ADAMTSL1: variants seen among roughly 807,000 people sequenced by gnomAD.
ADAMTSL1 encodes ADAMTS-like protein 1.
ADAMTSL1 carries 126 observed loss-of-function variants against 201.8 expected under a neutral mutation model. The observed-to-expected ratio is 0.62, with a 90% CI of 0.54 to 0.72. The LOEUF is 0.72. ADAMTSL1 is among the 30% of genes least tolerant of loss of function. The pLI is 0.00. For synonymous variants in ADAMTSL1, 1,121 were observed against 903.4 expected, an observed-to-expected ratio of 1.24 and a Z score of -4.32; for missense variants, 2,679 against 2,277.8, an observed-to-expected ratio of 1.18 and a Z score of -3.59.
chr9:18,665,467 T>G (rs1015123479), intron 9 of ADAMTSL1, among the ~76,000 whole-genome samples: 2 of 152,072 alleles, frequency 1.3e-5, no homozygotes, highest in African/African-American at 2.4e-5. Flanking sequence ...AACTTCAAAC[T>G]CAGTGACTAT....
At chr9:17,951,529 A>G (rs1027311533) in intron 1 of ADAMTSL1, among the ~76,000 whole-genome samples, 1 of 152,034 alleles carries the variant, frequency 6.6e-6, no homozygotes, top group Non-Finnish European at 1.5e-5. Context: ...GTTTTAATGT[A>G]CCTTTCCTTG....
chr9:18,636,468 A>G (rs1827121219), intron 6 of ADAMTSL1, among the ~76,000 whole-genome samples: 2 of 152,088 alleles, frequency 1.3e-5, no homozygotes, highest in Admixed American at 1.3e-4. Flanking sequence ...ACACCAAACA[A>G]CCTTAACACT....
intron 20 of ADAMTSL1, among the ~76,000 whole-genome samples, chr9:18,796,226 A>G (rs1822409501): frequency 6.6e-6 from 1 of 152,166 alleles, no homozygotes; most frequent in African/African-American, 2.4e-5. Flanking sequence ...CTTAGATACC[A>G]GCTGGACCAA....
At chr9:18,008,189 C>T (rs773220824) in intron 1 of ADAMTSL1, among the ~76,000 whole-genome samples, 78 of 151,800 alleles carry the variant, frequency 5.1e-4, no homozygotes, top group Admixed American at 3.8e-3. Flanking sequence ...CCTGTGTGAC[C>T]CTCAGAAAAT....
At chr9:17,980,888 G>C (rs753328320) in intron 1 of ADAMTSL1, among the ~76,000 whole-genome samples, 4 of 152,162 alleles carry the variant, frequency 2.6e-5, no homozygotes, top group Non-Finnish European at 5.9e-5. Flanking sequence ...TTCTGCCCAT[G>C]CAGAAGGTGA....
intron 20 of ADAMTSL1, among the ~76,000 whole-genome samples, chr9:18,798,088 CA>C (rs1822544796): frequency 1.5e-5 from 2 of 135,054 alleles, no homozygotes; most frequent in Non-Finnish European, 3.3e-5. Flanking sequence ...TAATGTAGGC[CA>C]AAGAGGAAAA....
At chr9:17,981,695 G>C (rs1292657504) in intron 1 of ADAMTSL1, among the ~76,000 whole-genome samples, 2 of 152,140 alleles carry the variant, frequency 1.3e-5, no homozygotes, top group African/African-American at 4.8e-5. Context: ...GAAGCTGCTT[G>C]CACTTGTGGT....
At chr9:18,526,695 T>C (rs190339139) in intron 2 of ADAMTSL1, among the ~76,000 whole-genome samples, 2 of 152,198 alleles carry the variant, frequency 1.3e-5, no homozygotes, top group Non-Finnish European at 2.9e-5. Context: ...CCTTCACTTA[T>C]GAAGCTTAGT....
intron 1 of ADAMTSL1, among the ~76,000 whole-genome samples, chr9:17,986,807 G>T (rs926154043): frequency 4.6e-5 from 7 of 152,088 alleles, no homozygotes; most frequent in African/African-American, 1.7e-4. Flanking sequence ...GATGTCTGGA[G>T]TTGAGACTGT....
intron 2 of ADAMTSL1, among the ~76,000 whole-genome samples, chr9:18,278,344 A>G (rs1832663660): frequency 6.6e-6 from 1 of 152,206 alleles, no homozygotes; most frequent in Non-Finnish European, 1.5e-5. Context: ...GTCTAGAGGT[A>G]ATGAACTTCC....
chr9:18,204,880 A>G (rs1434678259), intron 2 of ADAMTSL1, among the ~76,000 whole-genome samples: 1 of 152,186 alleles, frequency 6.6e-6, no homozygotes, highest in Non-Finnish European at 1.5e-5. Context: ...TTTTGAAAAC[A>G]TCTTTGTTCA....
chr9:18,569,644 A>C (rs1822170405), intron 3 of ADAMTSL1, among the ~76,000 whole-genome samples: 1 of 152,010 alleles, frequency 6.6e-6, no homozygotes, highest in Admixed American at 6.5e-5. Context: ...CCCACACTAT[A>C]TTTTTTGCCA....
chr9:18,588,598 A>C, intron 4 of ADAMTSL1, among the ~76,000 whole-genome samples: 1 of 151,976 alleles, frequency 6.6e-6, no homozygotes, highest in South Asian at 2.1e-4. Flanking sequence ...CAAGTCTTAC[A>C]TTTAAGTCTT....
intron 2 of ADAMTSL1, among the ~76,000 whole-genome samples, chr9:18,205,039 A>G (rs1478128886): frequency 6.6e-6 from 1 of 152,152 alleles, no homozygotes; most frequent in Admixed American, 6.6e-5. Context: ...GGAAGAGTGG[A>G]ACCAAATCCA....
At chr9:18,728,472 C>A (rs989800098) in intron 15 of ADAMTSL1, among the ~76,000 whole-genome samples, 55 of 151,918 alleles carry the variant, frequency 3.6e-4, no homozygotes, top group Non-Finnish European at 6.5e-4. Context: ...AAAAAAAAAA[C>A]ACACACACAC....
chr9:18,253,480 A>G (rs1202631878), intron 2 of ADAMTSL1, among the ~76,000 whole-genome samples: 1 of 152,228 alleles, frequency 6.6e-6, no homozygotes, highest in Non-Finnish European at 1.5e-5. Flanking sequence ...TTTCTTTTCT[A>G]AAAATAGAAT....
chr9:18,753,463 C>G lies in ADAMTSL1; in HGVS notation c.2172C>G (p.Asn724Lys), dbSNP rs1300409245. The change falls in exon 16 of 29, where the codon AAC becomes AAG. Residue 724 changes from asparagine (N) to lysine (K), a missense_variant. By Grantham distance (94) the Asn-to-Lys change is moderately conservative. Transcript: ENST00000380548. ...AGCCCAGCACGGTGCAAGCTTGTAA[C>G]CGCTTTAATTGCCCCCCAGCCTGGT... is the stretch of plus-strand genomic sequence containing the variant. ...QPKPSTVQAC[N>K]RFNCPPAWYP... 1.2e-6 allele frequency: 2 copies of G among 1,613,474 alleles called. No homozygotes were observed. Among genetic ancestry groups the G allele is most frequent in the South Asian group, 1.1e-5 (1 of 90,896 alleles).
intron 2 of ADAMTSL1, among the ~76,000 whole-genome samples, chr9:18,411,229 C>G (rs1563942728): frequency 6.6e-6 from 1 of 150,708 alleles, no homozygotes. Context: ...CAGGGTTTCT[C>G]TCTGTTGCCC....
chr9:18,182,865 T>C (rs1023433031), intron 2 of ADAMTSL1, among the ~76,000 whole-genome samples: 3 of 152,198 alleles, frequency 2.0e-5, no homozygotes, highest in African/African-American at 7.2e-5. Context: ...TATACTGCAC[T>C]ATATGCTGCC....
Sources: allele counts gnomAD v4.1 joint callset (sites outside exome capture counted in the v4.1 genomes callset), GRCh38; gene constraint gnomAD v4.1.1; transcripts MANE v1.5; gene names NCBI Gene and HGNC (gene_info 2026-07-23, HGNC 2026-07-21).